Variants in CEP104 observed in about 807,000 individuals in gnomAD.
CEP104 encodes the protein centrosomal protein 104, also known as centrosomal protein of 104 kDa.
Under a neutral mutation model 113.3 loss-of-function variants are expected in CEP104, and 84 were observed. The ratio of observed to expected loss-of-function variants is 0.74; its 90% CI spans 0.62 to 0.89. CEP104 has a LOEUF of 0.89. Ranked by LOEUF, CEP104 falls within the 40% of genes least tolerant of loss-of-function variation. The pLI, the probability that CEP104 is intolerant of heterozygous loss-of-function variation, is 0.00. For synonymous variants in CEP104, 378 were observed against 421.7 expected, an observed-to-expected ratio of 0.90 and a Z score of 1.27; for missense variants, 1,053 against 1,156.6, an observed-to-expected ratio of 0.91 and a Z score of 1.30.
At position 3,823,487 on chromosome 1, in the gene CEP104, G is replaced by A. The variant is rs775269479; in HGVS notation, c.2440C>T (p.Arg814Cys). 3.1e-6 allele frequency: 5 copies of A among 1,614,208 alleles called. 1 individual carries two copies. In the South Asian group the frequency reaches 4.4e-5, roughly 14 times the overall value. The change falls in exon 19 of 22, where the codon CGT becomes TGT. Residue 814 changes from arginine (R) to cysteine (C), a missense_variant. Physicochemically the swap from Arg to Cys is radical, Grantham distance 180 (BLOSUM62 -3). Coordinates refer to ENST00000378230, the MANE Select transcript of CEP104 (RefSeq NM_014704.4). This position sits in a 1 kb window ranked among gnomAD's most constrained non-coding sequence, Gnocchi z 4.1. Reference sequence around the variant, plus strand: ...TCCTTGAAAACAGCCTCACTGCAACGGTAACACTTTCCAAACCCGTCTTTT... The same window carrying A: ...TCCTTGAAAACAGCCTCACTGCAACAGTAACACTTTCCAAACCCGTCTTTT... ...DKKDGFGKCY[R>C]CSEAVFKEEL...
At chr1:3,836,823 T>C in intron 9 of CEP104, 131 bp from the exon 10 acceptor site, 1 of 684,598 alleles carries the variant, frequency 1.5e-6, no homozygotes. Context: ...TAAATATCAG[T>C]ATCATCAGAT....
At chr1:3,816,203 C>G (rs1643877719) in intron 21 of CEP104, 77 bp downstream of exon 21, 1 of 1,296,390 alleles carries the variant, frequency 7.7e-7, no homozygotes, top group Admixed American at 2.4e-5. Flanking sequence ...CCATGTTGCC[C>G]TGGACGGGGA....
intron 6 of CEP104, among the ~76,000 whole-genome samples, chr1:3,841,174 G>A (rs1267692143): frequency 1.3e-5 from 2 of 152,108 alleles, no homozygotes; most frequent in South Asian, 2.1e-4. Flanking sequence ...AACACCCTTC[G>A]AGACAGGTAC....
Position 3,834,908 on chromosome 1 carries a change from C to A in CEP104, c.1485+17G>T. ...CATCCATGCACGCTGGAGCCAGCGC[C>A]AGCTGAGGGCACTCACGGAGGTCAC... On this transcript the variant is annotated intron_variant, in intron 11 of 21. Coordinates refer to ENST00000378230, the MANE Select transcript of CEP104 (RefSeq NM_014704.4). The A allele has an allele frequency of 6.4e-7, 1 of 1,566,678 alleles. No individual in the cohort carries two copies. Among genetic ancestry groups the A allele is most frequent in the East Asian group, 2.3e-5 (1 of 42,812 alleles).
chr1:3,829,601 G>A (rs1056906111), intron 14 of CEP104, 190 bp downstream of exon 14: 3 of 685,088 alleles, frequency 4.4e-6, no homozygotes, highest in African/African-American at 1.8e-5. Flanking sequence ...GGGAACCTAA[G>A]GGTCTCACTG....
intron 2 of CEP104, 94 bp downstream of exon 2, chr1:3,852,200 TA>T: frequency 8.2e-7 from 1 of 1,223,836 alleles, no homozygotes; most frequent in Non-Finnish European, 1.1e-6. Context: ...CGAGTGATAG[TA>T]AAATCTGAGG....
In CEP104 at chr1:3,814,344, C is replaced by A. The variant is rs1643840525; in HGVS notation, c.*1058G>T. 2 of 152,102 alleles carry A rather than the reference C, an allele frequency of 1.3e-5. No homozygotes were observed. The highest frequency in any genetic ancestry group is 2.9e-5 in the Non-Finnish European group (2 of 68,020). 9.4% of individuals were successfully genotyped at this position (152,102 alleles called of 1,614,324 possible). Reference sequence around the variant, plus strand: ...GGCCCAACCAAAGCTATGGACAAAACCCCCAGCTCACTCCCACAGGAGGGG... The same window carrying A: ...GGCCCAACCAAAGCTATGGACAAAAACCCCAGCTCACTCCCACAGGAGGGG... On this transcript the variant is annotated 3_prime_UTR_variant, in exon 22 of 22. Coordinates refer to ENST00000378230, the MANE Select transcript of CEP104 (RefSeq NM_014704.4).
intron 21 of CEP104, among the ~76,000 whole-genome samples, chr1:3,815,974 GCTT>G (rs1450385661): frequency 6.6e-6 from 1 of 152,212 alleles, no homozygotes; most frequent in Non-Finnish European, 1.5e-5. Context: ...TGCCTGGCCA[GCTT>G]CCTGATTCTA....
chr1:3,825,911 C>T, intron 17 of CEP104, 45 bp from the exon 18 acceptor site: 1 of 1,304,286 alleles, frequency 7.7e-7, no homozygotes, highest in Non-Finnish European at 1.1e-6. Context: ...GATCTAGTTC[C>T]ACTGATGGCC....
chr1:3,838,738 C>T (rs1007924352), intron 8 of CEP104, among the ~76,000 whole-genome samples: 1 of 152,186 alleles, frequency 6.6e-6, no homozygotes, highest in Non-Finnish European at 1.5e-5. Context: ...GTTTTCCTGA[C>T]CCCGGTTTGT....
At chr1:3,828,287 T>C (rs558347673) in intron 15 of CEP104, among the ~76,000 whole-genome samples, 6 of 152,326 alleles carry the variant, frequency 3.9e-5, no homozygotes, top group African/African-American at 1.4e-4. Flanking sequence ...TGAGGGTCAC[T>C]GAGCACACGA....
chr1:3,839,050 C>T lies in CEP104; in HGVS notation c.805G>A (p.Ala269Thr), dbSNP rs374002795. The change falls in exon 8 of 22, where the codon GCC (alanine) becomes ACC (threonine). Residue 269 changes from alanine (A) to threonine (T), a missense_variant. Physicochemically the swap from Ala to Thr is moderately conservative, Grantham distance 58 (BLOSUM62 0). Transcript: ENST00000378230. ...CAVEKEDYDL[A>T]KEKKQQMEQY... is the part of the protein sequence containing the mutation. The stretch of plus-strand genomic sequence containing the variant: ...TCCATCTGCTGCTTCTTCTCCTTGG[C>T]GAGATCGTAGTCTTCCTTCTCCACG... 381 of 1,613,988 alleles carry T rather than the reference C, an allele frequency of 2.4e-4. 1 individual carries two copies. Among genetic ancestry groups the T allele is most frequent in the Non-Finnish European group, 3.0e-4 (358 of 1,180,018 alleles).
chr1:3,852,512 A>G (rs1199953906), intron 1 of CEP104, 91 bp from the exon 2 acceptor site: 2 of 1,154,806 alleles, frequency 1.7e-6, no homozygotes, highest in Middle Eastern at 2.0e-4. Flanking sequence ...TTGCTAACAC[A>G]CACAATAATG....
rs530172111 is a variant in CEP104 at position 3,815,239 on chromosome 1, C to T, written c.*163G>A. 7 of 611,900 alleles carry T rather than the reference C, an allele frequency of 1.1e-5. No homozygotes were observed. The East Asian group carries it at 2.0e-4, about 17-fold the overall frequency. The allele number at this position is 611,900 out of a possible 1,614,324, so 37.9% of individuals were successfully genotyped here. ...TGGTTAGCTGCATCCATATCGTTTG[C>T]ACGAGAGCTGACGGCACAGACGCGT... On this transcript the variant is annotated 3_prime_UTR_variant, in exon 22 of 22. Transcript: ENST00000378230.
At chr1:3,842,453 T>A (rs1385929599) in intron 6 of CEP104, among the ~76,000 whole-genome samples, 1 of 152,208 alleles carries the variant, frequency 6.6e-6, no homozygotes, top group Non-Finnish European at 1.5e-5. Context: ...CAAGTGCCTG[T>A]GACAGCTCTG....
chr1:3,836,914 C>T (rs544601910), intron 9 of CEP104: 139 of 542,662 alleles, frequency 2.6e-4, no homozygotes, highest in Non-Finnish European at 4.0e-4. Flanking sequence ...TCATTACAGA[C>T]CTAATAAAAA....
rs535083114 is a variant in CEP104 at position 3,852,264 on chromosome 1, C to T, written c.113+31G>A. 3.1e-5 allele frequency: 50 copies of T among 1,593,634 alleles called. No individual in the cohort carries two copies. In the Admixed American group the frequency reaches 7.6e-4, roughly 24 times the overall value. ...TCCTCAGGGACCCGAGGCTGCCTCC[C>T]AGCCCAAGCCCCGCCCCGTCCAGTC... is the stretch of plus-strand genomic sequence containing the variant. On this transcript the variant is annotated intron_variant, in intron 2 of 21. Transcript: ENST00000378230.
chr1:3,845,102 G>T, intron 5 of CEP104, 119 bp from the exon 6 acceptor site: 2 of 939,268 alleles, frequency 2.1e-6, no homozygotes, highest in South Asian at 1.4e-5. Flanking sequence ...CTCATCTTTT[G>T]GAGAGACAGC....
chr1:3,825,689 G>C (rs2124647430), intron 18 of CEP104, 69 bp downstream of exon 18: 1 of 1,002,874 alleles, frequency 1.0e-6, no homozygotes, highest in South Asian at 1.3e-5. Context: ...ACAGCTTTTT[G>C]ACTCGGCCTT....
Sources: allele counts gnomAD v4.1 joint callset (sites outside exome capture counted in the v4.1 genomes callset), GRCh38; gene constraint gnomAD v4.1.1; non-coding constraint Gnocchi (gnomAD v3.1); transcripts MANE v1.5; gene names NCBI Gene and HGNC (gene_info 2026-07-23, HGNC 2026-07-21).